XKR4: variants seen among roughly 807,000 people sequenced by gnomAD.
XKR4 encodes XK related 4.
XKR4 carries 12 observed loss-of-function variants against 53.9 expected under a neutral mutation model. The observed-to-expected ratio is 0.22, with a 90% CI of 0.14 to 0.36. XKR4 has a LOEUF of 0.36. Among genes scored for constraint, XKR4 ranks in the 10% least tolerant of loss-of-function variants. The pLI, the probability that XKR4 is intolerant of heterozygous loss-of-function variation, is 1.00. For synonymous variants in XKR4, 354 were observed against 362.4 expected, an observed-to-expected ratio of 0.98 and a Z score of 0.26; for missense variants, 799 against 859.5, an observed-to-expected ratio of 0.93 and a Z score of 0.88.
In XKR4 at chr8:55,511,445, C is replaced by G. The variant is rs1806624273; in HGVS notation, c.1007-11836C>G. 2.6e-5 allele frequency among the ~76,000 whole-genome samples: 4 copies of G among 152,120 alleles called. No individual in the cohort carries two copies. The South Asian group carries it at 8.3e-4, about 32-fold the overall frequency. On this transcript the variant is annotated intron_variant, in intron 2 of 2. Transcript: ENST00000327381. ...GCATTCCCTCTACCTTCTGCCTTCC[C>G]CCAACCAGCCCCTTGCCCCCAAGTC...
At chr8:55,425,652 C>T (rs747986503) in intron 2 of XKR4, among the ~76,000 whole-genome samples, 1 of 152,128 alleles carries the variant, frequency 6.6e-6, no homozygotes, top group Non-Finnish European at 1.5e-5. Context: ...CCGTTACCCA[C>T]GTGAGAAACC....
intron 1 of XKR4, among the ~76,000 whole-genome samples, chr8:55,228,063 C>T (rs35571616): frequency 0.15 from 23,294 of 152,100 alleles, 2,158 homozygotes; most frequent in Non-Finnish European, 0.21. Context: ...CGCACCACCA[C>T]GCCCAGCTAA....
intron 1 of XKR4, among the ~76,000 whole-genome samples, chr8:55,214,663 G>A (rs991743928): frequency 7.2e-5 from 11 of 152,104 alleles, no homozygotes; most frequent in African/African-American, 1.4e-4. Flanking sequence ...TGTAATGACC[G>A]TGGTAATCTA....
At chr8:55,468,211 G>A (rs886824794) in intron 2 of XKR4, among the ~76,000 whole-genome samples, 1 of 152,084 alleles carries the variant, frequency 6.6e-6, no homozygotes, top group African/African-American at 2.4e-5. Flanking sequence ...TATCCAGCCA[G>A]AGAGATGAAT....
rs531900130 is a variant in XKR4 at position 55,338,529 on chromosome 8, C to A, written c.807-19149C>A. On this transcript the variant is annotated intron_variant, in intron 1 of 2. Coordinates refer to ENST00000327381, the MANE Select transcript of XKR4 (RefSeq NM_052898.2). Reference sequence around the variant, plus strand: ...AATAACTCCTCCCATCCTTCCTGGTCAAGGGGTGCCCCATCACATGTTGAC... The same window carrying A: ...AATAACTCCTCCCATCCTTCCTGGTAAAGGGGTGCCCCATCACATGTTGAC... Among the ~76,000 whole-genome samples the A allele has an allele frequency of 2.6e-5, 4 of 152,330 alleles. No individual in the cohort carries two copies. The South Asian group carries it at 8.3e-4, about 32-fold the overall frequency.
chr8:55,203,338 GT>G (rs1817601273), intron 1 of XKR4, among the ~76,000 whole-genome samples: 1 of 152,216 alleles, frequency 6.6e-6, no homozygotes, highest in Non-Finnish European at 1.5e-5. Context: ...GTTCGCAAAG[GT>G]GGGCACGAAG....
intron 1 of XKR4, among the ~76,000 whole-genome samples, chr8:55,204,480 C>A (rs1039966357): frequency 6.6e-6 from 1 of 152,124 alleles, no homozygotes; most frequent in Non-Finnish European, 1.5e-5. Flanking sequence ...ACAAAAGTTC[C>A]TTGACAAAGA....
chr8:55,325,334 T>C (rs1803276376), intron 1 of XKR4, among the ~76,000 whole-genome samples: 1 of 152,156 alleles, frequency 6.6e-6, no homozygotes, highest in South Asian at 2.1e-4. Flanking sequence ...TAATTATCTA[T>C]ACTGCACTAA....
Position 55,205,456 on chromosome 8 carries a change from C to G in XKR4, c.806+102162C>G, listed in dbSNP as rs551446827. Among the ~76,000 whole-genome samples, 3 of 152,078 alleles carry G rather than the reference C, an allele frequency of 2.0e-5. No individual in the cohort carries two copies. The South Asian group carries it at 6.2e-4, about 32-fold the overall frequency. ...CATAAAGACTTGGGAAATAAATGAACAAATGTACTTAGGATGACAACAAAC... is the reference window on the plus strand; with the variant it reads ...CATAAAGACTTGGGAAATAAATGAAGAAATGTACTTAGGATGACAACAAAC... On this transcript the variant is annotated intron_variant, in intron 1 of 2. Coordinates refer to ENST00000327381, the MANE Select transcript of XKR4 (RefSeq NM_052898.2).
At chr8:55,177,637 C>T (rs761671917) in intron 1 of XKR4, among the ~76,000 whole-genome samples, 144 of 152,202 alleles carry the variant, frequency 9.5e-4, no homozygotes, top group Non-Finnish European at 3.1e-4. Context: ...TGGGAGGAAA[C>T]ATGTTCTCTT....
intron 1 of XKR4, among the ~76,000 whole-genome samples, chr8:55,166,426 G>A (rs578198063): frequency 5.9e-5 from 9 of 152,304 alleles, no homozygotes; most frequent in East Asian, 1.9e-4. Flanking sequence ...AAAAATATGT[G>A]TTAAGCACCT....
intron 2 of XKR4, among the ~76,000 whole-genome samples, chr8:55,386,090 A>T (rs991565823): frequency 1.3e-5 from 2 of 152,244 alleles, no homozygotes; most frequent in Non-Finnish European, 2.9e-5. Context: ...ATGAAATGTC[A>T]AGACATCAAA....
chr8:55,182,275 G>T (rs566771219), intron 1 of XKR4, among the ~76,000 whole-genome samples: 1 of 151,726 alleles, frequency 6.6e-6, no homozygotes, highest in African/African-American at 2.4e-5. Context: ...GTAAAGTCCA[G>T]TTTATCAATT....
At chr8:55,522,671 C>A (rs1041194129) in intron 2 of XKR4, among the ~76,000 whole-genome samples, 4 of 152,198 alleles carry the variant, frequency 2.6e-5, no homozygotes, top group Admixed American at 2.0e-4. Flanking sequence ...CCCATTTTGA[C>A]AATAGTCCAA....
intron 1 of XKR4, among the ~76,000 whole-genome samples, chr8:55,133,714 T>C (rs1309454808): frequency 2.0e-5 from 3 of 152,214 alleles, no homozygotes; most frequent in African/African-American, 7.2e-5. Context: ...GTTGCTGAAA[T>C]CTTAATTAGG....
intron 1 of XKR4, among the ~76,000 whole-genome samples, chr8:55,203,502 A>G (rs568760797): frequency 6.6e-6 from 1 of 152,310 alleles, no homozygotes; most frequent in South Asian, 2.1e-4. Flanking sequence ...TCTCAGACCT[A>G]TTGAATGAGG....
At chr8:55,326,710 A>G (rs1218877267) in intron 1 of XKR4, among the ~76,000 whole-genome samples, 1 of 151,802 alleles carries the variant, frequency 6.6e-6, no homozygotes, top group African/African-American at 2.4e-5. Context: ...GGCTCAAGCG[A>G]TCTGCTCACC....
intron 2 of XKR4, among the ~76,000 whole-genome samples, chr8:55,494,260 T>G (rs116682580): frequency 6.6e-6 from 1 of 152,230 alleles, no homozygotes; most frequent in South Asian, 2.1e-4. Flanking sequence ...CTAGGGAACA[T>G]AGTGGTGCCC....
intron 2 of XKR4, among the ~76,000 whole-genome samples, chr8:55,440,646 C>A (rs1283052052): frequency 2.0e-5 from 3 of 151,454 alleles, no homozygotes; most frequent in African/African-American, 7.3e-5. Flanking sequence ...AAAGGGATGA[C>A]AAGAAGAGCA....
Sources: gnomAD v4.1 joint callset for allele counts (sites outside exome capture counted in the v4.1 genomes callset) on GRCh38, gnomAD v4.1.1 for gene constraint, MANE v1.5 for transcripts, NCBI Gene and HGNC (gene_info 2026-07-23, HGNC 2026-07-21) for gene names.